The following CA5A variants were observed in gnomAD, a reference collection of about 807,000 sequenced individuals.
CA5A encodes the protein carbonic anhydrase 5A, also known as carbonic anhydrase 5A, mitochondrial.
A neutral mutation model predicts 37.1 loss-of-function variants in CA5A; 28 were observed. That is an observed-to-expected ratio of 0.75 (90% CI 0.56 to 1.03). The LOEUF (loss-of-function observed/expected upper bound fraction) is 1.03, where lower values mean the gene tolerates loss of function less well. CA5A is among the 50% of genes least tolerant of loss of function. The pLI is 0.00. For missense variants in CA5A, 444 were observed against 399.9 expected (o/e 1.11, Z -0.94); for synonymous variants, 171 against 158.4 (o/e 1.08, Z -0.60).
chr16:87,883,431 G>C (rs932551190), downstream of CA5A: 3 of 151,374 alleles, frequency 2.0e-5, no homozygotes, highest in Admixed American at 6.6e-5. Context: ...CTGGGTTCAA[G>C]CAATTCTCCC....
intron 1 of CA5A, among the ~76,000 whole-genome samples, chr16:87,934,476 G>A (rs2056445503): frequency 6.6e-6 from 1 of 152,260 alleles, no homozygotes; most frequent in Non-Finnish European, 1.5e-5. Context: ...GCTGAGGCAG[G>A]AGAATTGCTT....
downstream of CA5A, chr16:87,883,624 C>T (rs1406651910): frequency 6.6e-6 from 1 of 151,160 alleles, no homozygotes; most frequent in Admixed American, 6.6e-5. Context: ...GCCACCGCAC[C>T]CGGCCTACTT....
At chr16:87,890,765 G>A (rs1028731223) in intron 6 of CA5A, among the ~76,000 whole-genome samples, 105 of 151,234 alleles carry the variant, frequency 6.9e-4, no homozygotes, top group African/African-American at 2.4e-3. Flanking sequence ...ACAGGCAAAC[G>A]CCACCATGCC....
chr16:87,890,302 AC>A (rs111514724), intron 6 of CA5A, among the ~76,000 whole-genome samples: 4,763 of 152,040 alleles, frequency 0.031, 255 homozygotes, highest in African/African-American at 0.11. Flanking sequence ...GGCACTTGTC[AC>A]ATATATGCTT....
intron 2 of CA5A, among the ~76,000 whole-genome samples, chr16:87,912,971 C>T (rs1029341208): frequency 2.6e-5 from 4 of 151,554 alleles, no homozygotes; most frequent in African/African-American, 4.8e-5. Flanking sequence ...GGGGCCTTCG[C>T]CAACAAACCG....
intron 2 of CA5A, among the ~76,000 whole-genome samples, chr16:87,915,437 A>C (rs2144018297): frequency 6.6e-6 from 1 of 151,858 alleles, no homozygotes; most frequent in African/African-American, 2.4e-5. Context: ...TGGGAGGCTA[A>C]GGTGAGAGGG....
chr16:87,908,535 C>A (rs2055998849), intron 2 of CA5A, among the ~76,000 whole-genome samples: 1 of 152,188 alleles, frequency 6.6e-6, no homozygotes, highest in African/African-American at 2.4e-5. Context: ...CTGCATGAGG[C>A]ATAAGTCCAC....
At chr16:87,926,526 C>T (rs879749171) in intron 2 of CA5A, among the ~76,000 whole-genome samples, 11 of 152,236 alleles carry the variant, frequency 7.2e-5, no homozygotes, top group Non-Finnish European at 1.3e-4. Context: ...CAGGTGCCGG[C>T]GGTATTCTCA....
At chr16:87,931,399 A>G (rs1341265849) in intron 1 of CA5A, among the ~76,000 whole-genome samples, 1 of 152,184 alleles carries the variant, frequency 6.6e-6, no homozygotes, top group African/African-American at 2.4e-5. Flanking sequence ...GGCATAAACC[A>G]CTGTGCCTGA....
chr16:87,925,080 C>G (rs2056286085), intron 2 of CA5A, among the ~76,000 whole-genome samples: 1 of 152,216 alleles, frequency 6.6e-6, no homozygotes, highest in South Asian at 2.1e-4. Context: ...GAGTTACATC[C>G]TCATGGGAGC....
At chr16:87,891,749 A>G (rs776118320) in intron 6 of CA5A, 50 bp downstream of exon 6, 1 of 1,425,966 alleles carries the variant, frequency 7.0e-7, no homozygotes, top group Admixed American at 3.2e-5. Flanking sequence ...GCCAAGCAAG[A>G]GGGACGCCTT....
intron 2 of CA5A, among the ~76,000 whole-genome samples, chr16:87,912,699 G>A (rs114943153): frequency 0.027 from 4,068 of 152,314 alleles, 194 homozygotes; most frequent in African/African-American, 0.093. Context: ...TGGGCTTTGG[G>A]GCCCTAAACT....
At chr16:87,910,159 G>A (rs1347105964) in intron 2 of CA5A, among the ~76,000 whole-genome samples, 1 of 152,220 alleles carries the variant, frequency 6.6e-6, no homozygotes, top group Non-Finnish European at 1.5e-5. Flanking sequence ...CTGATTAAGG[G>A]GCAAAGGCTC....
At chr16:87,892,547 AATAATAATAAATT>A (rs1204022632) in intron 5 of CA5A, among the ~76,000 whole-genome samples, 58 of 137,780 alleles carry the variant, frequency 4.2e-4, no homozygotes, top group Middle Eastern at 3.8e-3. Flanking sequence ...TAATAATAAT[AATAATAATAAATT>A]AATTAATAAT....
At chr16:87,905,442 C>G (rs1235637375) in intron 2 of CA5A, among the ~76,000 whole-genome samples, 2 of 152,190 alleles carry the variant, frequency 1.3e-5, no homozygotes, top group African/African-American at 4.8e-5. Context: ...TCACTGCAAC[C>G]TCCACCTCTG....
At chr16:87,926,000 A>G (rs1275195996) in intron 2 of CA5A, among the ~76,000 whole-genome samples, 2 of 152,196 alleles carry the variant, frequency 1.3e-5, no homozygotes, top group African/African-American at 4.8e-5. Flanking sequence ...AGGTGGGCAG[A>G]TCACCTGATG....
intron 2 of CA5A, among the ~76,000 whole-genome samples, chr16:87,922,144 T>C (rs1380230965): frequency 1.3e-5 from 2 of 152,158 alleles, no homozygotes; most frequent in Admixed American, 6.5e-5. Context: ...GAGTCTGTGC[T>C]CTAACACACT....
chr16:87,923,434 C>T (rs553907407), intron 2 of CA5A: 4 of 485,218 alleles, frequency 8.2e-6, no homozygotes, highest in South Asian at 1.8e-4. Context: ...GTGATCCACC[C>T]ACCTCGGCTT....
intron 2 of CA5A, among the ~76,000 whole-genome samples, chr16:87,923,079 C>A (rs2056252277): frequency 6.6e-6 from 1 of 152,236 alleles, no homozygotes; most frequent in African/African-American, 2.4e-5. Flanking sequence ...GGTCACTCAC[C>A]CTTGGCAGTC....
Sources: gnomAD v4.1 joint callset for allele counts (sites outside exome capture counted in the v4.1 genomes callset) on GRCh38, gnomAD v4.1.1 for gene constraint, MANE v1.5 for transcripts, NCBI Gene and HGNC (gene_info 2026-07-23, HGNC 2026-07-21) for gene names.